The following PCDHA12 variants were observed in gnomAD, a reference collection of about 807,000 sequenced individuals.
The protein encoded by PCDHA12 is protocadherin alpha-12.
Under a neutral mutation model 60.0 loss-of-function variants are expected in PCDHA12, and 44 were observed. That is an observed-to-expected ratio of 0.73 (90% CI 0.58 to 0.94). The LOEUF is 0.94. Among genes scored for constraint, PCDHA12 ranks in the 40% least tolerant of loss-of-function variants. PCDHA12 has a pLI of 0.00. For missense variants in PCDHA12, 1,276 were observed against 1,239.7 expected (o/e 1.03, Z -0.44); for synonymous variants, 569 against 553.0 (o/e 1.03, Z -0.40).
chr5:140,948,986 T>C (rs2094331337), intron 1 of PCDHA12, among the ~76,000 whole-genome samples: 1 of 151,752 alleles, frequency 6.6e-6, no homozygotes, highest in Non-Finnish European at 1.5e-5. Context: ...ACTGCTTTAT[T>C]TGCATTTTAC....
Position 140,876,861 on chromosome 5 carries a change from C to A in PCDHA12, c.1389C>A (p.Phe463Leu). The A allele has an allele frequency of 1.2e-6, 2 of 1,614,088 alleles. No homozygotes were observed. The highest frequency in any genetic ancestry group is 1.7e-6 in the Non-Finnish European group (2 of 1,179,996). The change falls in exon 1 of 4, where the codon TTC becomes TTA. Residue 463 changes from phenylalanine (F) to leucine (L), a missense_variant. By Grantham distance (22) the Phe-to-Leu change is conservative (BLOSUM62 0). Transcript: ENST00000398631. ...PAFAQPEYTV[F>L]VKENNPPGCH... ...TCGCGCAGCCCGAGTACACAGTGTT[C>A]GTGAAGGAGAACAACCCGCCGGGCT...
intron 1 of PCDHA12, among the ~76,000 whole-genome samples, chr5:140,973,282 C>T (rs1554235080): frequency 2.6e-5 from 4 of 152,148 alleles, no homozygotes; most frequent in African/African-American, 7.2e-5. Context: ...TCCCCCAGCA[C>T]TGATTTTTCT....
chr5:140,954,120 C>G (rs246026), intron 1 of PCDHA12, among the ~76,000 whole-genome samples: 85,718 of 152,076 alleles, frequency 0.56, 24,786 homozygotes, highest in African/African-American at 0.69. Flanking sequence ...GATCTTGTTC[C>G]TTTTTATGGA....
chr5:140,966,958 G>T (rs561982676), intron 1 of PCDHA12: 4 of 1,602,380 alleles, frequency 2.5e-6, no homozygotes, highest in African/African-American at 2.7e-5. Context: ...TGGCTCGCGC[G>T]CTGGGGCTTG....
chr5:140,907,863 C>T (rs763021038), intron 1 of PCDHA12, among the ~76,000 whole-genome samples: 4 of 152,208 alleles, frequency 2.6e-5, no homozygotes, highest in African/African-American at 7.2e-5. Context: ...TGAGGCCAGC[C>T]GTTGGTGAGC....
Position 140,877,369 on chromosome 5 carries a change from A to C in PCDHA12, c.1897A>C (p.Thr633Pro), listed in dbSNP as rs201135340. 6.4e-5 allele frequency: 103 copies of C among 1,614,000 alleles called. No homozygotes were observed. The African/African-American group carries it at 1.3e-3, about 20-fold the overall frequency. ...HVGLYTGEIS[T>P]TRILDEADAP... is the part of the protein sequence containing the mutation. ...GGGGCTGTACACTGGCGAGATCAGC[A>C]CGACACGCATCCTGGATGAGGCGGA... Residue 633 changes from threonine to proline, a missense_variant, in exon 1 of 4, where the codon ACG becomes CCG. By Grantham distance (38) the Thr-to-Pro change is conservative (BLOSUM62 -1). Transcript: ENST00000398631.
At chr5:140,999,973 C>A (rs1370727292) in intron 3 of PCDHA12, among the ~76,000 whole-genome samples, 2 of 152,082 alleles carry the variant, frequency 1.3e-5, no homozygotes, top group African/African-American at 4.8e-5. Context: ...AGTAGCAGCT[C>A]TAGCGGCCTC....
At chr5:140,928,810 G>T (rs143843461) in intron 1 of PCDHA12, 1 of 1,614,106 alleles carries the variant, frequency 6.2e-7, no homozygotes. Context: ...AGTGGTTCGG[G>T]ACCATGGAGA....
At chr5:140,883,781 T>C (rs1156481556) in intron 1 of PCDHA12, 1 of 1,612,432 alleles carries the variant, frequency 6.2e-7, no homozygotes, top group Non-Finnish European at 8.5e-7. Flanking sequence ...GCGTGCGCTG[T>C]CGAGCTACGT....
At position 140,968,861 on chromosome 5, in the gene PCDHA12, C is replaced by G; in HGVS notation, c.2368-10088C>G. 1.9e-6 allele frequency: 3 copies of G among 1,614,182 alleles called. No homozygotes were observed. In the South Asian group the frequency reaches 3.3e-5, roughly 18 times the overall value. ...CACTCAGAGGCATGTTAAGAGCCCT[C>G]GGACATACTCTGAAATTACCCTTTA... is the stretch of plus-strand genomic sequence containing the variant. On this transcript the variant is annotated intron_variant, in intron 1 of 3. Coordinates refer to ENST00000398631, the MANE Select transcript of PCDHA12 (RefSeq NM_018903.4).
At chr5:140,892,349 T>C (rs1266203354) in intron 1 of PCDHA12, among the ~76,000 whole-genome samples, 2 of 152,248 alleles carry the variant, frequency 1.3e-5, no homozygotes, top group Admixed American at 6.5e-5. Context: ...TAATTGACTT[T>C]TGCCAGGCAT....
At chr5:140,896,608 C>A (rs1356168334) in intron 1 of PCDHA12, among the ~76,000 whole-genome samples, 2 of 151,832 alleles carry the variant, frequency 1.3e-5, no homozygotes, top group Non-Finnish European at 2.9e-5. Context: ...AACTCCTGGT[C>A]TTAAGTGATC....
intron 3 of PCDHA12, among the ~76,000 whole-genome samples, chr5:140,987,254 T>C (rs1358606591): frequency 1.3e-5 from 2 of 151,878 alleles, no homozygotes; most frequent in Non-Finnish European, 1.5e-5. Flanking sequence ...AAAGACATTC[T>C]CAGGAATGGG....
intron 1 of PCDHA12, among the ~76,000 whole-genome samples, chr5:140,972,752 C>A (rs1332478312): frequency 1.3e-5 from 2 of 151,214 alleles, no homozygotes; most frequent in Non-Finnish European, 2.9e-5. Context: ...CAACCTCCGC[C>A]TCCCAAGTTA....
At chr5:140,970,006 A>G (rs2096376265) in intron 1 of PCDHA12, among the ~76,000 whole-genome samples, 1 of 152,158 alleles carries the variant, frequency 6.6e-6, no homozygotes, top group Non-Finnish European at 1.5e-5. Context: ...GAGGGAGTGG[A>G]TGATGGTGAG....
Position 140,875,498 on chromosome 5 carries a change from C to A in PCDHA12, c.26C>A (p.Pro9Gln), listed in dbSNP as rs782226561. The change falls in exon 1 of 4, where the codon CCG (proline) becomes CAG (glutamine). Residue 9 changes from proline to glutamine, a missense_variant. Coordinates refer to ENST00000398631, the MANE Select transcript of PCDHA12 (RefSeq NM_018903.4). MVIIGPRGPGSQRLLLSLL... is the reference protein window; with the variant it reads MVIIGPRGQGSQRLLLSLL... ...ATGGTGATTATCGGACCAAGAGGCCCGGGATCCCAGCGTCTGCTGCTCTCG... is the reference window on the plus strand; with the variant it reads ...ATGGTGATTATCGGACCAAGAGGCCAGGGATCCCAGCGTCTGCTGCTCTCG... 1.9e-6 allele frequency: 3 copies of A among 1,613,292 alleles called. No individual in the cohort carries two copies. Among genetic ancestry groups the A allele is most frequent in the East Asian group, 4.5e-5 (2 of 44,876 alleles).
chr5:140,935,044 G>C (rs1246943645), intron 1 of PCDHA12, among the ~76,000 whole-genome samples: 1 of 151,942 alleles, frequency 6.6e-6, no homozygotes, highest in African/African-American at 2.4e-5. Context: ...CTTGATTTCT[G>C]GTATTACAAG....
intron 1 of PCDHA12, chr5:140,883,589 G>A (rs782300348): frequency 1.9e-6 from 3 of 1,614,014 alleles, no homozygotes; most frequent in East Asian, 2.2e-5. Context: ...CACGGCCAGC[G>A]TGTCGGTGGG....
At position 140,966,247 on chromosome 5, in the gene PCDHA12, A is replaced by G. The variant is rs145363912; in HGVS notation, c.2368-12702A>G. 739 of 318,152 alleles carry G rather than the reference A, an allele frequency of 2.3e-3. 16 individuals are homozygous for G. In the Admixed American group the frequency reaches 0.033, roughly 14 times the overall value. 19.7% of individuals were successfully genotyped at this position (318,152 alleles called of 1,614,324 possible). On this transcript the variant is annotated intron_variant, in intron 1 of 3. Coordinates refer to ENST00000398631, the MANE Select transcript of PCDHA12 (RefSeq NM_018903.4). ...TCCTTAAAGACCCGTTAAGCAGGGGAGAGACGGTGGAGACTGGATGAACTG... is the reference window on the plus strand; with the variant it reads ...TCCTTAAAGACCCGTTAAGCAGGGGGGAGACGGTGGAGACTGGATGAACTG...
Sources: allele counts gnomAD v4.1 joint callset (sites outside exome capture counted in the v4.1 genomes callset), GRCh38; gene constraint gnomAD v4.1.1; transcripts MANE v1.5; gene names NCBI Gene and HGNC (gene_info 2026-07-23, HGNC 2026-07-21).